Variants in USH2A observed in about 807,000 individuals in gnomAD.
USH2A encodes Usher syndrome 2A (autosomal recessive, mild).
Under a neutral mutation model 538.9 loss-of-function variants are expected in USH2A, and 443 were observed. The ratio of observed to expected loss-of-function variants is 0.82; its 90% CI spans 0.76 to 0.89. The LOEUF is 0.89. Among genes scored for constraint, USH2A ranks in the 40% least tolerant of loss-of-function variants. USH2A has a pLI of 0.00. For synonymous variants in USH2A, 2,413 were observed against 2,273.5 expected (o/e 1.06, Z -1.75); for missense variants, 6,633 against 6,324.8 (o/e 1.05, Z -1.65).
At chr1:216,151,280 T>C (rs1177158010) in intron 21 of USH2A, among the ~76,000 whole-genome samples, 1 of 151,992 alleles carries the variant, frequency 6.6e-6, no homozygotes, top group Non-Finnish European at 1.5e-5. Flanking sequence ...ACTTTACATC[T>C]CCAGTTTTGC....
intron 30 of USH2A, among the ~76,000 whole-genome samples, chr1:216,068,550 C>G (rs544781010): frequency 6.6e-6 from 1 of 152,140 alleles, no homozygotes; most frequent in Non-Finnish European, 1.5e-5. Context: ...GCTAGTAATG[C>G]TGGTCCTTGG....
chr1:215,914,784 A>G (rs1004503232), intron 38 of USH2A, among the ~76,000 whole-genome samples: 1 of 152,182 alleles, frequency 6.6e-6, no homozygotes, highest in African/African-American at 2.4e-5. Context: ...TGTTTTGCAC[A>G]GGACCTAGAG....
rs1659881926 is a variant in USH2A at position 215,728,117 on chromosome 1, G to A, written c.11979C>T (p.Gly3993=). The A allele has an allele frequency of 6.2e-7, 1 of 1,614,166 alleles. No homozygotes were observed. Among genetic ancestry groups the A allele is most frequent in the Non-Finnish European group, 8.5e-7 (1 of 1,180,036 alleles). Residue 3993 remains glycine, a synonymous_variant, in exon 61 of 72, where the codon GGC becomes GGT. Transcript: ENST00000307340. The part of the protein sequence containing the change: ...LNWTKPESPN[G]IISHYRVVYQ... ...AGACCACACGGTAATGGGAGATAAT[G>A]CCATTGGGAGATTCTGGCTTTGTCC...
chr1:216,365,474 G>A (rs1270650161), intron 3 of USH2A, among the ~76,000 whole-genome samples: 2 of 152,122 alleles, frequency 1.3e-5, no homozygotes, highest in Non-Finnish European at 2.9e-5. Context: ...ATTAAAACCA[G>A]ATATAACAAC....
At chr1:215,980,503 G>A (rs2102466282) in intron 35 of USH2A, among the ~76,000 whole-genome samples, 1 of 151,906 alleles carries the variant, frequency 6.6e-6, no homozygotes, top group Non-Finnish European at 1.5e-5. Context: ...AAAGCAAAAG[G>A]CCATGTAACC....
intron 4 of USH2A, among the ~76,000 whole-genome samples, chr1:216,363,665 T>C (rs1382018767): frequency 6.6e-6 from 1 of 151,974 alleles, no homozygotes; most frequent in Non-Finnish European, 1.5e-5. Flanking sequence ...CTAATTGCAC[T>C]GAAACATTAA....
At chr1:215,659,410 C>G (rs1657373452) in intron 64 of USH2A, among the ~76,000 whole-genome samples, 1 of 152,102 alleles carries the variant, frequency 6.6e-6, no homozygotes, top group South Asian at 2.1e-4. Flanking sequence ...AAAATGAGAC[C>G]ACGAAAGTCC....
At position 215,650,868 on chromosome 1, in the gene USH2A, A is replaced by AAT. The variant is rs1657053605; in HGVS notation, c.14134-68_14134-67insAT. ...CTAAGGCTGGGAAAAAAAAAAAAAA[A>AAT]AGAAAGGAAAAAAAACGAAATTGGC... is the stretch of plus-strand genomic sequence containing the variant. On this transcript the variant is annotated intron_variant, in intron 64 of 71. Coordinates refer to ENST00000307340, the MANE Select transcript of USH2A (RefSeq NM_206933.4). 3 of 1,560,420 alleles carry AAT rather than the reference A, an allele frequency of 1.9e-6. No homozygotes were observed. The South Asian group carries it at 3.5e-5, about 18-fold the overall frequency.
At chr1:216,280,879 A>T (rs2036761941) in intron 11 of USH2A, among the ~76,000 whole-genome samples, 1 of 152,174 alleles carries the variant, frequency 6.6e-6, no homozygotes, top group Non-Finnish European at 1.5e-5. Flanking sequence ...ACAAAATGAG[A>T]CTTGAACTAC....
chr1:216,175,517 T>G (rs753196197), intron 20 of USH2A, 35 bp from the exon 21 acceptor site: 1 of 1,608,916 alleles, frequency 6.2e-7, no homozygotes, highest in South Asian at 1.1e-5. Context: ...TATTCAAGAA[T>G]TTGGTTTCTG....
chr1:215,628,876 C>G lies in USH2A; in HGVS notation c.15457G>C (p.Asp5153His), dbSNP rs200727661. The change falls in exon 71 of 72, where the codon GAC becomes CAC. Residue 5153 changes from aspartate to histidine, a missense_variant. Asp to His is a moderately conservative substitution (Grantham distance 81). Coordinates refer to ENST00000307340, the MANE Select transcript of USH2A (RefSeq NM_206933.4). Reference sequence around the variant, plus strand: ...GAGTTGTCCATCAAGACTTTCTTGTCTTGAATGTCCATGAGCTGGCTGACG... The same window carrying G: ...GAGTTGTCCATCAAGACTTTCTTGTGTTGAATGTCCATGAGCTGGCTGACG... ...RSVSQLMDIQ[D>H]KKVLMDNSLW... The G allele has an allele frequency of 6.2e-7, 1 of 1,614,052 alleles. No individual in the cohort carries two copies. Among genetic ancestry groups the G allele is most frequent in the Non-Finnish European group, 8.5e-7 (1 of 1,180,044 alleles).
At chr1:216,204,411 A>G (rs1385573768) in intron 16 of USH2A, 2 of 135,094 alleles carry the variant, frequency 1.5e-5, no homozygotes, top group African/African-American at 2.5e-5. Context: ...AAAATTATTC[A>G]TTATTTGCAT....
rs1558027395 is a variant in USH2A at position 215,627,429 on chromosome 1, C to CCTTCCTTCT, written c.15519+1384_15519+1385insAGAAGGAAG. The stretch of plus-strand genomic sequence containing the variant: ...CCTTCCTTCCTTCCTTCCTTCCTTC[C>CCTTCCTTCT]TTCCTTCCTTCCTTCCTTCCTTCCT... On this transcript the variant is annotated intron_variant, in intron 71 of 71. Transcript: ENST00000307340. Among the ~76,000 whole-genome samples, 453 of 83,902 alleles carry CCTTCCTTCT rather than the reference C, an allele frequency of 5.4e-3. 11 individuals carry two copies. The highest frequency in any genetic ancestry group is 0.021 in the Middle Eastern group (3 of 142). The allele number at this position is 83,902 out of a possible 152,430, so 55.0% of individuals were successfully genotyped here. A position where few individuals can be genotyped will look rare whatever the true frequency, so the allele number is the denominator to read the frequency against.
intron 19 of USH2A, 70 bp from the exon 20 acceptor site, chr1:216,190,437 G>A: frequency 6.4e-7 from 1 of 1,571,190 alleles, no homozygotes; most frequent in Non-Finnish European, 8.6e-7. Context: ...TATAACCTTG[G>A]CAGTCAAAGT....
chr1:215,818,381 T>A (rs990714287), intron 47 of USH2A, among the ~76,000 whole-genome samples: 15 of 151,842 alleles, frequency 9.9e-5, no homozygotes, highest in African/African-American at 3.6e-4. Flanking sequence ...TTTGCTTAAT[T>A]TTTTGACTCA....
intron 61 of USH2A, among the ~76,000 whole-genome samples, chr1:215,686,350 G>A (rs948652178): frequency 3.9e-5 from 6 of 152,164 alleles, no homozygotes; most frequent in African/African-American, 7.2e-5. Context: ...TAATTGAGAC[G>A]TGGCATTTGA....
At chr1:215,681,332 A>AAC (rs10625816) in intron 61 of USH2A, among the ~76,000 whole-genome samples, 91,510 of 148,094 alleles carry the variant, frequency 0.62, 29,205 homozygotes, top group Admixed American at 0.72. Flanking sequence ...CACACACACG[A>AAC]ACACACACAC....
chr1:216,353,678 CAG>C (rs764275990), intron 4 of USH2A, among the ~76,000 whole-genome samples: 6 of 151,894 alleles, frequency 4.0e-5, no homozygotes, highest in Non-Finnish European at 5.9e-5. Flanking sequence ...TAAGTATAGA[CAG>C]AGTTGTGCCA....
chr1:215,749,283 C>A (rs1399671497), intron 58 of USH2A, among the ~76,000 whole-genome samples: 1 of 152,164 alleles, frequency 6.6e-6, no homozygotes, highest in African/African-American at 2.4e-5. Context: ...GATGAAGGAA[C>A]AAAACTGTGC....
Sources: allele counts gnomAD v4.1 joint callset (sites outside exome capture counted in the v4.1 genomes callset), GRCh38; gene constraint gnomAD v4.1.1; transcripts MANE v1.5; gene names NCBI Gene and HGNC (gene_info 2026-07-23, HGNC 2026-07-21).